The following PRKCA variants were observed in gnomAD, a reference collection of about 807,000 sequenced individuals.
PRKCA encodes the protein protein kinase C alpha type.
PRKCA carries 27 observed loss-of-function variants against 87.0 expected under a neutral mutation model. The observed-to-expected ratio is 0.31, with a 90% CI of 0.23 to 0.43. The LOEUF is 0.43. Ranked by LOEUF, PRKCA falls within the 20% of genes least tolerant of loss-of-function variation. PRKCA has a pLI of 1.00. For missense variants in PRKCA, 518 were observed against 852.3 expected (o/e 0.61, Z 4.88); for synonymous variants, 329 against 311.1 (o/e 1.06, Z -0.61).
At chr17:66,567,632 C>G (rs1338584098) in intron 3 of PRKCA, among the ~76,000 whole-genome samples, 1 of 152,180 alleles carries the variant, frequency 6.6e-6, no homozygotes, top group Non-Finnish European at 1.5e-5. Flanking sequence ...AGTGTTTGCT[C>G]TCTCCTCCCT....
At chr17:66,486,405 G>C (rs1305052047) in intron 2 of PRKCA, among the ~76,000 whole-genome samples, 2 of 152,194 alleles carry the variant, frequency 1.3e-5, no homozygotes, top group African/African-American at 4.8e-5. Context: ...ATCCTTCTAA[G>C]TGTGTGGCTT....
At chr17:66,691,835 A>G (rs1238217597) in intron 8 of PRKCA, among the ~76,000 whole-genome samples, 1 of 152,238 alleles carries the variant, frequency 6.6e-6, no homozygotes, top group East Asian at 1.9e-4. Context: ...TCCTCACAGT[A>G]ATGTCTGAGA....
At chr17:66,315,064 C>G (rs143824299) in intron 2 of PRKCA, among the ~76,000 whole-genome samples, 16 of 152,114 alleles carry the variant, frequency 1.1e-4, no homozygotes, top group African/African-American at 2.9e-4. Context: ...GTGATACACA[C>G]AAGTTCGTGT....
intron 5 of PRKCA, among the ~76,000 whole-genome samples, chr17:66,662,993 G>A (rs11654219): frequency 0.099 from 15,017 of 152,172 alleles, 792 homozygotes; most frequent in Middle Eastern, 0.18. Context: ...CAGGTGTTGG[G>A]AACAGTTCTG....
chr17:66,504,404 C>G (rs1183452105), intron 3 of PRKCA, among the ~76,000 whole-genome samples: 2 of 152,096 alleles, frequency 1.3e-5, no homozygotes, highest in African/African-American at 4.8e-5. Context: ...GCCAGGCTGA[C>G]CAACATGGTG....
intron 3 of PRKCA, among the ~76,000 whole-genome samples, chr17:66,590,492 C>T (rs1271053544): frequency 6.6e-6 from 1 of 152,148 alleles, no homozygotes; most frequent in Non-Finnish European, 1.5e-5. Flanking sequence ...CACAGTACTC[C>T]CAATGCCGTC....
chr17:66,565,510 T>C (rs1223023040), intron 3 of PRKCA, among the ~76,000 whole-genome samples: 1 of 152,176 alleles, frequency 6.6e-6, no homozygotes, highest in Non-Finnish European at 1.5e-5. Flanking sequence ...GCTCCACAAT[T>C]ATAACGTGGG....
intron 2 of PRKCA, among the ~76,000 whole-genome samples, chr17:66,476,489 C>G (rs766192373): frequency 7.2e-5 from 11 of 152,216 alleles, no homozygotes; most frequent in Non-Finnish European, 1.5e-4. Context: ...TGGTCTAATC[C>G]TGCCAGAGCC....
chr17:66,546,728 G>T (rs930229247), intron 3 of PRKCA, among the ~76,000 whole-genome samples: 1 of 152,134 alleles, frequency 6.6e-6, no homozygotes, highest in African/African-American at 2.4e-5. Context: ...CATTCACGTA[G>T]ACCTGGAGTA....
At chr17:66,783,537 G>A (rs1054531891) in intron 14 of PRKCA, among the ~76,000 whole-genome samples, 2 of 152,174 alleles carry the variant, frequency 1.3e-5, no homozygotes, top group Admixed American at 6.5e-5. Context: ...CATACGTGGG[G>A]ACAGCTCACC....
intron 2 of PRKCA, among the ~76,000 whole-genome samples, chr17:66,368,985 G>A (rs984290105): frequency 2.0e-5 from 3 of 152,214 alleles, no homozygotes; most frequent in Non-Finnish European, 2.9e-5. Context: ...CCATGATTCC[G>A]TGAGCTTTCT....
At chr17:66,776,367 G>A (rs1170668179) in intron 14 of PRKCA, among the ~76,000 whole-genome samples, 1 of 152,142 alleles carries the variant, frequency 6.6e-6, no homozygotes, top group East Asian at 1.9e-4. Flanking sequence ...GCTGGAGTCG[G>A]TGGCGCGATC....
rs115820987 is a variant in PRKCA, at chr17:66,461,163, G to A, written c.206-35038G>A. 5.6e-3 allele frequency among the ~76,000 whole-genome samples: 793 copies of A among 142,614 alleles called. 6 individuals are homozygous for A. The highest frequency in any genetic ancestry group is 0.019 in the African/African-American group (743 of 38,552). 93.6% of individuals were successfully genotyped at this position (142,614 alleles called of 152,430 possible). A position where few individuals can be genotyped will look rare whatever the true frequency, so the allele number is the denominator to read the frequency against. Reference sequence around the variant, plus strand: ...CGAGGCTGCGGTACGCTATGTTCACGTCACTGCACTCCAGGCTGGGTGAAA... The same window carrying A: ...CGAGGCTGCGGTACGCTATGTTCACATCACTGCACTCCAGGCTGGGTGAAA... On this transcript the variant is annotated intron_variant, in intron 2 of 16. Coordinates refer to ENST00000413366, the MANE Select transcript of PRKCA (RefSeq NM_002737.3).
At chr17:66,476,074 A>G (rs1405553921) in intron 2 of PRKCA, among the ~76,000 whole-genome samples, 1 of 151,768 alleles carries the variant, frequency 6.6e-6, no homozygotes, top group East Asian at 1.9e-4. Flanking sequence ...ATTTTTTTGT[A>G]TTTTTAGTAG....
At chr17:66,631,618 C>T (rs1971015184) in intron 3 of PRKCA, among the ~76,000 whole-genome samples, 1 of 152,040 alleles carries the variant, frequency 6.6e-6, no homozygotes, top group African/African-American at 2.4e-5. Flanking sequence ...CATATTAAAC[C>T]ATCAGAGGTT....
intron 2 of PRKCA, among the ~76,000 whole-genome samples, chr17:66,420,745 G>GA (rs1912443532): frequency 6.6e-6 from 1 of 152,148 alleles, no homozygotes; most frequent in African/African-American, 2.4e-5. Context: ...TCAGAGGGAA[G>GA]AAAAGACATT....
chr17:66,315,736 T>C (rs904266308), intron 2 of PRKCA, among the ~76,000 whole-genome samples: 7 of 152,172 alleles, frequency 4.6e-5, no homozygotes, highest in African/African-American at 1.7e-4. Flanking sequence ...TGCCTCGGCC[T>C]CCCAAAGTGC....
intron 2 of PRKCA, among the ~76,000 whole-genome samples, chr17:66,373,551 G>C (rs1174481733): frequency 2.0e-5 from 3 of 152,202 alleles, no homozygotes; most frequent in African/African-American, 7.2e-5. Flanking sequence ...TTGGTGATTT[G>C]ATTAATTTTT....
chr17:66,645,257 A>G, intron 4 of PRKCA, 126 bp from the exon 5 acceptor site: 1 of 1,347,950 alleles, frequency 7.4e-7, no homozygotes, highest in Non-Finnish European at 1.0e-6. Context: ...TATGTCACCA[A>G]AAACATTATA....
Sources: allele counts gnomAD v4.1 joint callset (sites outside exome capture counted in the v4.1 genomes callset), GRCh38; gene constraint gnomAD v4.1.1; transcripts MANE v1.5; gene names NCBI Gene and HGNC (gene_info 2026-07-23, HGNC 2026-07-21).